The following ARL13B variants were observed in gnomAD, a reference collection of about 807,000 sequenced individuals.
The protein encoded by ARL13B is ADP-ribosylation factor-like protein 13B.
A neutral mutation model predicts 56.1 loss-of-function variants in ARL13B; 36 were observed. The observed-to-expected ratio is 0.64, with a 90% confidence interval of 0.49 to 0.85. The LOEUF is 0.85. Among genes scored for constraint, ARL13B ranks in the 40% least tolerant of loss-of-function variants. The probability of loss-of-function intolerance (pLI) is 0.00; values close to 1 mark genes in which losing one functional copy is unlikely to be tolerated. For synonymous variants in ARL13B, 178 were observed against 171.1 expected, an observed-to-expected ratio of 1.04 and a Z score of -0.32; for missense variants, 519 against 507.1, an observed-to-expected ratio of 1.02 and a Z score of -0.23.
chr3:94,004,419 G>C (rs1214119372), intron 3 of ARL13B, among the ~76,000 whole-genome samples: 1 of 152,018 alleles, frequency 6.6e-6, no homozygotes, highest in Non-Finnish European at 1.5e-5. Context: ...TCGTCCATGT[G>C]GGTGAACATT....
At chr3:94,051,515 T>C (rs1490253298) in intron 9 of ARL13B, among the ~76,000 whole-genome samples, 4 of 152,102 alleles carry the variant, frequency 2.6e-5, no homozygotes, top group African/African-American at 9.6e-5. Flanking sequence ...ATGCAAAAAC[T>C]AGAGGAAGGA....
At chr3:94,013,735 C>T (rs2076268529) in intron 3 of ARL13B, among the ~76,000 whole-genome samples, 1 of 152,182 alleles carries the variant, frequency 6.6e-6, no homozygotes, top group South Asian at 2.1e-4. Context: ...CACTGGAGGT[C>T]AGGAATTTGA....
intron 5 of ARL13B, among the ~76,000 whole-genome samples, chr3:94,037,224 A>G (rs1162923391): frequency 6.6e-6 from 1 of 152,198 alleles, no homozygotes; most frequent in East Asian, 1.9e-4. Flanking sequence ...TAATATGTCA[A>G]TAACGTTGAG....
intron 7 of ARL13B, among the ~76,000 whole-genome samples, chr3:94,046,110 C>T (rs1425948918): frequency 6.6e-6 from 1 of 151,882 alleles, no homozygotes; most frequent in Non-Finnish European, 1.5e-5. Flanking sequence ...TAATGAGTTT[C>T]ATTGAGGTAT....
chr3:94,014,352 C>G, intron 3 of ARL13B: 1 of 1,492,528 alleles, frequency 6.7e-7, no homozygotes, highest in Non-Finnish European at 8.9e-7. Flanking sequence ...TATCTTTTAC[C>G]GTAAAGCTGG....
intron 7 of ARL13B, among the ~76,000 whole-genome samples, chr3:94,045,519 A>G (rs953456916): frequency 6.6e-6 from 1 of 152,076 alleles, no homozygotes; most frequent in Non-Finnish European, 1.5e-5. Context: ...CTGTAGATTT[A>G]AGGCAATTCC....
chr3:93,997,672 G>A (rs550996094), intron 2 of ARL13B, among the ~76,000 whole-genome samples: 82 of 152,286 alleles, frequency 5.4e-4, no homozygotes, highest in Non-Finnish European at 7.2e-4. Flanking sequence ...ATACTGTAGT[G>A]TGAAAGCAGC....
intron 8 of ARL13B, 103 bp downstream of exon 8, chr3:94,049,625 ATTATC>A: frequency 1.2e-6 from 1 of 835,460 alleles, no homozygotes; most frequent in South Asian, 1.8e-5. Flanking sequence ...CTGTATATTC[ATTATC>A]TTGTATACTT....
intron 1 of ARL13B, among the ~76,000 whole-genome samples, chr3:93,982,489 A>G (rs376699522): frequency 6.6e-6 from 1 of 152,252 alleles, no homozygotes; most frequent in East Asian, 1.9e-4. Flanking sequence ...GCATCTTATC[A>G]GTCTTTTAAA....
rs552563825 is a variant in ARL13B at position 94,055,033 on chromosome 3, G to A, written c.*1770G>A. 28 of 354,598 alleles carry A rather than the reference G, an allele frequency of 7.9e-5. No individual in the cohort carries two copies. The East Asian group carries it at 2.1e-3, about 27-fold the overall frequency. The allele number at this position is 354,598 out of a possible 1,614,324, so 22.0% of individuals were successfully genotyped here. On this transcript the variant is annotated 3_prime_UTR_variant, in exon 10 of 10. Transcript: ENST00000394222. ...TTGTGTTTTCTATCTGTTTACTATA[G>A]TGTAGCTACTGGCTTCATTTAATAA...
chr3:94,003,808 T>A lies in ARL13B; in HGVS notation c.280T>A (p.Phe94Ile), dbSNP rs1575956184. ...NYYAESYGVIFVVDSSDEERM... is the reference protein window; with the variant it reads ...NYYAESYGVIIVVDSSDEERM... ...CTATGCTGAATCCTATGGGGTAATA[T>A]TTGTTGTGGATTCCAGTGATGAAGA... Residue 94 changes from phenylalanine (F) to isoleucine (I), a missense_variant, in exon 3 of 10, where the codon TTT becomes ATT. By Grantham distance (21) the Phe-to-Ile change is conservative. Coordinates refer to ENST00000394222, the MANE Select transcript of ARL13B (RefSeq NM_001174150.2). 2 of 1,613,714 alleles carry A rather than the reference T, an allele frequency of 1.2e-6. No homozygotes were observed. The highest frequency in any genetic ancestry group is 8.5e-7 in the Non-Finnish European group (1 of 1,179,740).
chr3:93,987,154 C>CT (rs761566594), intron 1 of ARL13B, among the ~76,000 whole-genome samples: 6 of 136,700 alleles, frequency 4.4e-5, no homozygotes, highest in Admixed American at 1.6e-4. Context: ...GCTTATATTT[C>CT]TGATTTTTTT....
intron 3 of ARL13B, among the ~76,000 whole-genome samples, chr3:94,006,447 GT>G (rs1482686573): frequency 1.3e-5 from 2 of 151,768 alleles, no homozygotes; most frequent in African/African-American, 4.8e-5. Context: ...TGATGTTACT[GT>G]CTTACTATCG....
At chr3:94,047,539 G>A (rs780384097) in intron 7 of ARL13B, among the ~76,000 whole-genome samples, 1 of 152,130 alleles carries the variant, frequency 6.6e-6, no homozygotes, top group African/African-American at 2.4e-5. Flanking sequence ...AGATGCCTTT[G>A]TATGCACTAT....
In ARL13B at chr3:94,039,910, C is replaced by G; in HGVS notation, c.720C>G (p.Leu240=). Reference sequence around the variant, plus strand: ...AAAATGAACAGGAGCAGGCTGAACTCGATGGAACCAGTGGTCTGGCTGAGT... The same window carrying G: ...AAAATGAACAGGAGCAGGCTGAACTGGATGGAACCAGTGGTCTGGCTGAGT... ...RKQNEQEQAE[L]DGTSGLAELD... is the part of the protein sequence containing the mutation. The change falls in exon 6 of 10, where the codon CTC becomes CTG. Residue 240 remains leucine (L), a synonymous_variant. Coordinates refer to ENST00000394222, the MANE Select transcript of ARL13B (RefSeq NM_001174150.2). 3.1e-6 allele frequency: 5 copies of G among 1,614,042 alleles called. No individual in the cohort carries two copies. The highest frequency in any genetic ancestry group is 2.2e-5 in the South Asian group (2 of 91,054).
chr3:94,014,905 T>C (rs746544913), intron 3 of ARL13B: 1 of 1,613,594 alleles, frequency 6.2e-7, no homozygotes, highest in East Asian at 2.2e-5. Context: ...TGGACCATTT[T>C]CAACCTCTGA....
At chr3:93,995,987 T>C in intron 2 of ARL13B, 43 bp downstream of exon 2, 1 of 1,552,806 alleles carries the variant, frequency 6.4e-7, no homozygotes, top group Non-Finnish European at 8.9e-7. Flanking sequence ...TCTATTAAAT[T>C]ATTCTGAATT....
chr3:94,052,214 A>AT (rs1047892430), intron 9 of ARL13B, among the ~76,000 whole-genome samples: 1 of 152,126 alleles, frequency 6.6e-6, no homozygotes, highest in Admixed American at 6.5e-5. Flanking sequence ...CATATGACAT[A>AT]TTTTTTCTGT....
intron 3 of ARL13B, among the ~76,000 whole-genome samples, 187 bp downstream of exon 3, chr3:94,004,095 T>G (rs2076096041): frequency 6.6e-6 from 1 of 152,166 alleles, no homozygotes; most frequent in African/African-American, 2.4e-5. Context: ...GGAAAAGGGC[T>G]AAGGCTATAG....
Sources: gnomAD v4.1 joint callset for allele counts (sites outside exome capture counted in the v4.1 genomes callset) on GRCh38, gnomAD v4.1.1 for gene constraint, MANE v1.5 for transcripts, NCBI Gene and HGNC (gene_info 2026-07-23, HGNC 2026-07-21) for gene names.